The following RRP1 variants were observed in gnomAD, a reference collection of about 807,000 sequenced individuals.
RRP1 encodes ribosomal RNA processing 1.
A neutral mutation model predicts 54.6 loss-of-function variants in RRP1; 37 were observed. That is an observed-to-expected ratio of 0.68 (90% CI 0.52 to 0.89). The LOEUF is 0.89. Ranked by LOEUF, RRP1 falls within the 40% of genes least tolerant of loss-of-function variation. The probability of loss-of-function intolerance (pLI) is 0.00; values close to 1 mark genes in which losing one functional copy is unlikely to be tolerated. For synonymous variants in RRP1, 262 were observed against 244.3 expected (o/e 1.07, Z -0.67); for missense variants, 639 against 612.5 (o/e 1.04, Z -0.46).
chr21:43,804,496 C>T lies in RRP1; in HGVS notation c.*722C>T. ...GCGTCCTCCCTGCCCCTCTCCCCTT[C>T]ACACCTGCTGGAGCCTGTGAGGGAG... On this transcript the variant is annotated 3_prime_UTR_variant, in exon 13 of 13. Transcript: ENST00000497547. The surrounding 1 kb of genome is among the most constrained non-coding windows in gnomAD (Gnocchi z 4.3). 6.5e-6 allele frequency: 1 copy of T among 152,688 alleles called. No homozygotes were observed. The highest frequency in any genetic ancestry group is 1.5e-5 in the Non-Finnish European group (1 of 68,216). The allele number at this position is 152,688 out of a possible 1,614,324, so 9.5% of individuals were successfully genotyped here. A position where few individuals can be genotyped will look rare whatever the true frequency, so the allele number is the denominator to read the frequency against.
Position 43,793,349 on chromosome 21 carries a change from C to A in RRP1, c.305C>A (p.Thr102Asn). 1 of 1,614,162 alleles carries A rather than the reference C, an allele frequency of 6.2e-7. No individual in the cohort carries two copies. Among genetic ancestry groups the A allele is most frequent in the Non-Finnish European group, 8.5e-7 (1 of 1,180,036 alleles). ...CTGTTCCTTCAGGCCTTCTGGCAGA[C>A]CATGAATCGCGAGTGGACGGGCATT... ...QHLFLQAFWQ[T>N]MNREWTGIDR... is the part of the protein sequence containing the mutation. The change falls in exon 4 of 13, where the codon ACC becomes AAC. Residue 102 changes from threonine (T) to asparagine (N), a missense_variant. Coordinates refer to ENST00000497547, the MANE Select transcript of RRP1 (RefSeq NM_003683.6).
chr21:43,802,178 G>A, intron 11 of RRP1, 96 bp from the exon 12 acceptor site: 1 of 832,768 alleles, frequency 1.2e-6, no homozygotes, highest in Non-Finnish European at 2.0e-6. Context: ...CACATTGTCA[G>A]GAGGTGGTGC....
chr21:43,794,059 A>G (rs537173040), intron 4 of RRP1, among the ~76,000 whole-genome samples: 24 of 152,110 alleles, frequency 1.6e-4, no homozygotes, highest in East Asian at 1.5e-3. Context: ...CGGTCACCCA[A>G]TGGGGACACT....
chr21:43,798,061 G>A lies in RRP1; in HGVS notation c.772G>A (p.Asp258Asn), dbSNP rs766136307. The change falls in exon 8 of 13, where the codon GAC (aspartate) becomes AAC (asparagine). Residue 258 changes from aspartate (D) to asparagine (N), a missense_variant. Transcript: ENST00000497547. ...GTCCTCTGAGGGTGGTGAGCGTGGA[G>A]ACGCGCTGTCCCAGAAGAGGTCTGA... is the stretch of plus-strand genomic sequence containing the variant. The part of the protein sequence containing the change: ...DESSEGGERG[D>N]ALSQKRSEKP... 4.3e-6 allele frequency: 7 copies of A among 1,614,028 alleles called. No individual in the cohort carries two copies. Among genetic ancestry groups the A allele is most frequent in the Non-Finnish European group, 5.1e-6 (6 of 1,179,968 alleles).
intron 4 of RRP1, 110 bp from the exon 5 acceptor site, chr21:43,795,079 G>T: frequency 9.5e-7 from 1 of 1,056,926 alleles, no homozygotes; most frequent in Non-Finnish European, 1.5e-6. Context: ...GCCGGCAGAG[G>T]TCACCACGGC....
In RRP1 at chr21:43,798,091, C is replaced by G. The variant is rs1429484844; in HGVS notation, c.802C>G (p.Pro268Ala). The change falls in exon 8 of 13, where the codon CCG (proline) becomes GCG (alanine). Residue 268 changes from proline (P) to alanine (A), a missense_variant. Pro to Ala is a conservative substitution (Grantham distance 27). Transcript: ENST00000497547. Reference protein sequence around the residue: ...DALSQKRSEKPPAGSICRAEP... With the variant: ...DALSQKRSEKAPAGSICRAEP... The stretch of plus-strand genomic sequence containing the variant: ...GCTGTCCCAGAAGAGGTCTGAGAAG[C>G]CGCCCGCAGGTGGGGGTCACACTGC... 2.5e-6 allele frequency: 4 copies of G among 1,610,904 alleles called. No homozygotes were observed. The highest frequency in any genetic ancestry group is 3.4e-6 in the Non-Finnish European group (4 of 1,178,374).
intron 11 of RRP1, among the ~76,000 whole-genome samples, chr21:43,801,541 G>A (rs1267062587): frequency 2.6e-5 from 4 of 152,196 alleles, no homozygotes; most frequent in Non-Finnish European, 5.9e-5. Context: ...GTGGTGTGAT[G>A]CAGCTCACTG....
At chr21:43,792,633 C>T in intron 2 of RRP1, 39 bp from the exon 3 acceptor site, 2 of 1,607,058 alleles carry the variant, frequency 1.2e-6, no homozygotes, top group Non-Finnish European at 1.7e-6. Flanking sequence ...GAGCCTGGTG[C>T]TTCAGGGGCT....
rs1456375469 is a variant in RRP1, at chr21:43,803,702, G to T, written c.1314G>T (p.Arg438=). 5 of 1,556,274 alleles carry T rather than the reference G, an allele frequency of 3.2e-6. No individual in the cohort carries two copies. The Admixed American group carries it at 9.7e-5, about 30-fold the overall frequency. The change falls in exon 13 of 13, where the codon CGG becomes CGT. Residue 438 remains arginine (R), a synonymous_variant. Coordinates refer to ENST00000497547, the MANE Select transcript of RRP1 (RefSeq NM_003683.6). ...CTCGCCAGAGAAGGAGGACACCTCGGCCCCTGACCAGTGCCCGAGCAAAGG... is the reference window on the plus strand; with the variant it reads ...CTCGCCAGAGAAGGAGGACACCTCGTCCCCTGACCAGTGCCCGAGCAAAGG... ...RGARQRRRTP[R]PLTSARAKAA...
Position 43,799,664 on chromosome 21 carries a change from CT to C in RRP1, c.891+16del. 2 of 1,602,396 alleles carry C rather than the reference CT, an allele frequency of 1.2e-6. No homozygotes were observed. The highest frequency in any genetic ancestry group is 4.5e-5 in the East Asian group (2 of 44,572). On this transcript the variant is annotated intron_variant, in intron 9 of 12. Coordinates refer to ENST00000497547, the MANE Select transcript of RRP1 (RefSeq NM_003683.6). ...CCGTTCTCCAGGTGGGTTCCCTGGG[CT>C]CATGGCTGTGCCCTCAGCCTTTGCC...
At chr21:43,794,386 C>T (rs1389254528) in intron 4 of RRP1, among the ~76,000 whole-genome samples, 2 of 152,138 alleles carry the variant, frequency 1.3e-5, no homozygotes, top group East Asian at 1.9e-4. Context: ...TTCCATGGCT[C>T]GTTTCTGGGT....
chr21:43,797,608 G>A lies in RRP1; in HGVS notation c.553-23G>A, dbSNP rs909732632. ...TGGGCGTTTGTGGAGGAGGAACTGA[G>A]CTCCCGCTGGCTTTCCCCGTAGCTT... On this transcript the variant is annotated intron_variant, in intron 6 of 12. Coordinates refer to ENST00000497547, the MANE Select transcript of RRP1 (RefSeq NM_003683.6). 5 of 1,614,044 alleles carry A rather than the reference G, an allele frequency of 3.1e-6. No individual in the cohort carries two copies. The African/African-American group carries it at 4.0e-5, about 13-fold the overall frequency.
intron 7 of RRP1, 86 bp from the exon 8 acceptor site, chr21:43,797,821 G>A: frequency 6.4e-7 from 1 of 1,563,026 alleles, no homozygotes; most frequent in Middle Eastern, 1.7e-4. Context: ...CCGTGTGGGT[G>A]GGGAGAGGTT....
chr21:43,797,243 G>T, intron 5 of RRP1, 179 bp from the exon 6 acceptor site: 1 of 1,020,152 alleles, frequency 9.8e-7, no homozygotes, highest in Non-Finnish European at 1.4e-6. Flanking sequence ...CCTTGCGCTG[G>T]AGGAGACCTA....
chr21:43,797,604 C>G (rs759820245), intron 6 of RRP1, 27 bp from the exon 7 acceptor site: 1 of 1,614,180 alleles, frequency 6.2e-7, no homozygotes, highest in East Asian at 2.2e-5. Flanking sequence ...GGAGGAGGAA[C>G]TGAGCTCCCG....
intron 8 of RRP1, among the ~76,000 whole-genome samples, chr21:43,798,313 G>A (rs1274235105): frequency 6.6e-6 from 1 of 151,948 alleles, no homozygotes; most frequent in Non-Finnish European, 1.5e-5. Context: ...TGTGCTCCAC[G>A]CCCTCTCCGG....
intron 5 of RRP1, among the ~76,000 whole-genome samples, chr21:43,795,877 C>T (rs1398609866): frequency 1.3e-5 from 2 of 152,196 alleles, no homozygotes; most frequent in African/African-American, 4.8e-5. Context: ...CGCGGTGGCT[C>T]ACATCTGTAA....
At chr21:43,798,545 C>T (rs577742479) in intron 8 of RRP1, among the ~76,000 whole-genome samples, 1 of 152,294 alleles carries the variant, frequency 6.6e-6, no homozygotes, top group African/African-American at 2.4e-5. Context: ...TCCTCGTGTT[C>T]CTCGTTCCTG....
chr21:43,791,443 G>C lies in RRP1; in HGVS notation c.216+11G>C. 1 of 1,612,678 alleles carries C rather than the reference G, an allele frequency of 6.2e-7. No homozygotes were observed. The highest frequency in any genetic ancestry group is 8.5e-7 in the Non-Finnish European group (1 of 1,178,716). ...AAGCCACTCCTCCAGGTGAGTGGGGGGAGCAGCAGAGCAGGTACAGAAGCA... is the reference window on the plus strand; with the variant it reads ...AAGCCACTCCTCCAGGTGAGTGGGGCGAGCAGCAGAGCAGGTACAGAAGCA... On this transcript the variant is annotated intron_variant, in intron 2 of 12. Coordinates refer to ENST00000497547, the MANE Select transcript of RRP1 (RefSeq NM_003683.6).
Sources: gnomAD v4.1 joint callset for allele counts (sites outside exome capture counted in the v4.1 genomes callset) on GRCh38, gnomAD v4.1.1 for gene constraint, Gnocchi (gnomAD v3.1) non-coding constraint, MANE v1.5 for transcripts, NCBI Gene and HGNC (gene_info 2026-07-23, HGNC 2026-07-21) for gene names.